The following DPP10 variants were observed in gnomAD, a reference collection of about 807,000 sequenced individuals.
The protein encoded by DPP10 is inactive dipeptidyl peptidase 10.
In DPP10, 33 loss-of-function variants were observed where a neutral mutation model predicts 120.9. That is an observed-to-expected ratio of 0.27 (90% CI 0.21 to 0.37). The LOEUF is 0.37. DPP10 is among the 10% of genes least tolerant of loss of function. The probability of loss-of-function intolerance (pLI) is 1.00; values close to 1 mark genes in which losing one functional copy is unlikely to be tolerated. For synonymous variants in DPP10, 337 were observed against 326.1 expected, an observed-to-expected ratio of 1.03 and a Z score of -0.36; for missense variants, 816 against 942.8, an observed-to-expected ratio of 0.87 and a Z score of 1.76.
intron 1 of DPP10, among the ~76,000 whole-genome samples, chr2:114,722,018 T>C (rs1208235170): frequency 6.6e-6 from 1 of 152,206 alleles, no homozygotes; most frequent in Non-Finnish European, 1.5e-5. Flanking sequence ...GGACCCAGAA[T>C]AATGCTTAGC....
intron 1 of DPP10, among the ~76,000 whole-genome samples, chr2:115,193,677 C>T (rs951430296): frequency 1.3e-5 from 2 of 152,174 alleles, no homozygotes; most frequent in African/African-American, 4.8e-5. Context: ...AAGATGGTTC[C>T]TTCCTGGTTC....
At chr2:115,009,882 T>G (rs891176972) in intron 1 of DPP10, among the ~76,000 whole-genome samples, 1 of 152,180 alleles carries the variant, frequency 6.6e-6, no homozygotes, top group Non-Finnish European at 1.5e-5. Flanking sequence ...AATACAAATT[T>G]TTTTAAAGAA....
intron 1 of DPP10, among the ~76,000 whole-genome samples, chr2:114,469,212 A>G (rs936910237): frequency 2.6e-5 from 4 of 152,210 alleles, no homozygotes; most frequent in Non-Finnish European, 5.9e-5. Context: ...CCATCATCTT[A>G]GGGCATCATA....
chr2:115,457,770 A>G (rs2073691990), intron 3 of DPP10, among the ~76,000 whole-genome samples: 1 of 152,102 alleles, frequency 6.6e-6, no homozygotes, highest in Non-Finnish European at 1.5e-5. Flanking sequence ...AAAAAGTAAA[A>G]TGTGTACTTA....
At chr2:115,006,383 T>C (rs2105047072) in intron 1 of DPP10, among the ~76,000 whole-genome samples, 1 of 151,952 alleles carries the variant, frequency 6.6e-6, no homozygotes, top group South Asian at 2.1e-4. Flanking sequence ...ACTTTAAATG[T>C]AAATGGACTA....
intron 1 of DPP10, among the ~76,000 whole-genome samples, chr2:114,839,934 T>C (rs534950580): frequency 2.0e-5 from 3 of 152,264 alleles, no homozygotes; most frequent in Admixed American, 6.5e-5. Flanking sequence ...GAAAAAAGAA[T>C]CTGGCAATTT....
chr2:115,836,940 A>G (rs1350730938), intron 24 of DPP10, among the ~76,000 whole-genome samples, 194 bp downstream of exon 24: 1 of 152,222 alleles, frequency 6.6e-6, no homozygotes, highest in Non-Finnish European at 1.5e-5. Flanking sequence ...TATTCCTCAA[A>G]TGGCAGCGTT....
At chr2:115,425,961 C>T (rs933774601) in intron 3 of DPP10, among the ~76,000 whole-genome samples, 28 of 152,210 alleles carry the variant, frequency 1.8e-4, no homozygotes, top group Non-Finnish European at 2.8e-4. Flanking sequence ...TGAGAACTGA[C>T]TTAATACCAT....
At chr2:115,544,962 C>G (rs750286388) in intron 5 of DPP10, among the ~76,000 whole-genome samples, 2 of 151,828 alleles carry the variant, frequency 1.3e-5, no homozygotes, top group Non-Finnish European at 2.9e-5. Flanking sequence ...TTTCTTTCTT[C>G]TGGGTTAAAG....
chr2:115,275,967 C>T (rs923613745), intron 1 of DPP10, among the ~76,000 whole-genome samples: 4 of 152,152 alleles, frequency 2.6e-5, no homozygotes, highest in Non-Finnish European at 5.9e-5. Flanking sequence ...TCCCAAAGTG[C>T]TGGGATTACG....
intron 1 of DPP10, among the ~76,000 whole-genome samples, chr2:114,936,630 C>T (rs1425181239): frequency 2.0e-5 from 3 of 152,002 alleles, no homozygotes; most frequent in Non-Finnish European, 2.9e-5. Flanking sequence ...CTGGATCAGA[C>T]GGTGGATCTA....
intron 1 of DPP10, among the ~76,000 whole-genome samples, chr2:115,265,923 G>A (rs963396205): frequency 1.3e-5 from 2 of 148,284 alleles, no homozygotes; most frequent in Non-Finnish European, 3.0e-5. Context: ...CAGCCTGAGC[G>A]ATGGAGCGAG....
intron 5 of DPP10, among the ~76,000 whole-genome samples, chr2:115,634,721 G>A (rs530691159): frequency 2.8e-4 from 42 of 152,288 alleles, no homozygotes; most frequent in African/African-American, 8.9e-4. Flanking sequence ...ACTAACTGAG[G>A]CATGTTGGCT....
intron 5 of DPP10, among the ~76,000 whole-genome samples, chr2:115,639,283 T>C (rs2086590465): frequency 6.6e-6 from 1 of 152,204 alleles, no homozygotes; most frequent in Admixed American, 6.5e-5. Flanking sequence ...CCAATTCTAA[T>C]GTAGAAATAT....
chr2:115,752,111 T>G (rs1336098831), intron 10 of DPP10, among the ~76,000 whole-genome samples: 1 of 152,182 alleles, frequency 6.6e-6, no homozygotes, highest in Non-Finnish European at 1.5e-5. Context: ...ACTAGTTTAA[T>G]TAGTTTTAAT....
intron 1 of DPP10, among the ~76,000 whole-genome samples, chr2:114,588,044 A>G (rs191170310): frequency 2.0e-5 from 3 of 152,352 alleles, no homozygotes; most frequent in Admixed American, 2.0e-4. Context: ...AAGCTGCGCT[A>G]TTTTAGCACA....
At chr2:115,676,474 T>C (rs1172151826) in intron 5 of DPP10, among the ~76,000 whole-genome samples, 2 of 151,998 alleles carry the variant, frequency 1.3e-5, no homozygotes, top group East Asian at 3.9e-4. Flanking sequence ...AAAATATGAT[T>C]TAGAAATTCA....
intron 1 of DPP10, among the ~76,000 whole-genome samples, chr2:114,528,760 A>G (rs1421600727): frequency 6.6e-6 from 1 of 151,750 alleles, no homozygotes; most frequent in African/African-American, 2.4e-5. Flanking sequence ...TTATATTTTC[A>G]GAGTATCAGT....
At chr2:114,591,461 T>G (rs1460002600) in intron 1 of DPP10, among the ~76,000 whole-genome samples, 1 of 151,906 alleles carries the variant, frequency 6.6e-6, no homozygotes, top group African/African-American at 2.4e-5. Context: ...AATTTGATCC[T>G]CCCATTAGCA....
Sources: gnomAD v4.1 joint callset for allele counts (sites outside exome capture counted in the v4.1 genomes callset) on GRCh38, gnomAD v4.1.1 for gene constraint, MANE v1.5 for transcripts, NCBI Gene and HGNC (gene_info 2026-07-23, HGNC 2026-07-21) for gene names.